Variants in ARHGEF6 observed in about 807,000 individuals in gnomAD.
ARHGEF6 encodes the protein rho guanine nucleotide exchange factor 6.
Under a neutral mutation model 70.3 loss-of-function variants are expected in ARHGEF6, and 9 were observed. The observed-to-expected ratio is 0.13, with a 90% CI of 0.08 to 0.22. The LOEUF (loss-of-function observed/expected upper bound fraction) is 0.22, where lower values mean the gene tolerates loss of function less well. Ranked by LOEUF, ARHGEF6 falls within the 10% of genes least tolerant of loss-of-function variation. The probability of loss-of-function intolerance (pLI) is 1.00; values close to 1 mark genes in which losing one functional copy is unlikely to be tolerated. For synonymous variants in ARHGEF6, 201 were observed against 207.8 expected, an observed-to-expected ratio of 0.97 and a Z score of 0.28; for missense variants, 470 against 563.0, an observed-to-expected ratio of 0.83 and a Z score of 1.67.
intron 2 of ARHGEF6, among the ~76,000 whole-genome samples, chrX:136,752,931 G>A (rs186626011): frequency 1.9e-3 from 218 of 111,932 alleles, no homozygotes; most frequent in African/African-American, 6.9e-3. Context: ...GAACTTTGGT[G>A]GAAATGTCAT....
At chrX:136,779,320 T>TGACA (rs758310877) in intron 2 of ARHGEF6, 94 bp downstream of exon 2, 2 of 817,834 alleles carry the variant, frequency 2.4e-6, no homozygotes, top group African/African-American at 4.0e-5. Context: ...CAGTGGCCAA[T>TGACA]GACAGTGAAA....
Position 136,665,570 on chromosome X carries a change from T to A in ARHGEF6, c.*2459A>T, listed in dbSNP as rs1442895816. The stretch of plus-strand genomic sequence containing the variant: ...ACTTATTTTTATAAAGCACTGTTTA[T>A]TTTTATGTATTGAAAATGTCCATTT... On this transcript the variant is annotated 3_prime_UTR_variant, in exon 22 of 22. Coordinates refer to ENST00000250617, the MANE Select transcript of ARHGEF6 (RefSeq NM_004840.3). 8.9e-6 allele frequency: 1 copy of A among 112,761 alleles called. No individual in the cohort carries two copies. The highest frequency in any genetic ancestry group is 1.9e-5 in the Non-Finnish European group (1 of 53,289). The allele number at this position is 112,761 out of a possible 1,213,427, so 9.3% of individuals were successfully genotyped here.
At chrX:136,759,028 T>A (rs1249301375) in intron 2 of ARHGEF6, among the ~76,000 whole-genome samples, 1 of 112,117 alleles carries the variant, frequency 8.9e-6, no homozygotes, top group African/African-American at 3.2e-5. Context: ...GGTGATTTTT[T>A]AATCTCAAAT....
At chrX:136,758,031 CTTTT>C (rs1164537601) in intron 2 of ARHGEF6, among the ~76,000 whole-genome samples, 5 of 14,033 alleles carry the variant, frequency 3.6e-4, no homozygotes, top group East Asian at 5.7e-3. Flanking sequence ...AAAATAAATT[CTTTT>C]TTTTTTTTTT....
intron 5 of ARHGEF6, among the ~76,000 whole-genome samples, chrX:136,742,085 C>T (rs2077048131): frequency 8.9e-6 from 1 of 111,787 alleles, no homozygotes; most frequent in Non-Finnish European, 1.9e-5. Flanking sequence ...CTTTGGGAGG[C>T]TGAGGCGGGC....
chrX:136,713,081 GAGAA>G (rs1165647687), intron 7 of ARHGEF6, among the ~76,000 whole-genome samples, 191 bp downstream of exon 7: 2 of 110,416 alleles, frequency 1.8e-5, no homozygotes, highest in African/African-American at 6.6e-5. Context: ...ACAGCCAGAA[GAGAA>G]AGAAAGCCAA....
Position 136,727,395 on chromosome X carries a change from T to TTC in ARHGEF6, c.732+4705_732+4706dup, listed in dbSNP as rs1188095168. Among the ~76,000 whole-genome samples, 281 of 53,576 alleles carry TTC rather than the reference T, an allele frequency of 5.2e-3. 9 individuals carry two copies. Among genetic ancestry groups the TTC allele is most frequent in the African/African-American group, 0.02 (258 of 12,702 alleles). The allele number at this position is 53,576 out of a possible 115,157, so 46.5% of individuals were successfully genotyped here. A position where few individuals can be genotyped will look rare whatever the true frequency, so the allele number is the denominator to read the frequency against. ...TTTCTTTCTTTCTTTCTTTCTTTCT[T>TTC]TCTCTCTCTCTCTCTCTCTTTCTTT... On this transcript the variant is annotated intron_variant, in intron 6 of 21. Coordinates refer to ENST00000250617, the MANE Select transcript of ARHGEF6 (RefSeq NM_004840.3).
intron 6 of ARHGEF6, among the ~76,000 whole-genome samples, chrX:136,727,491 TTC>T (rs1417602961): frequency 2.0e-5 from 2 of 99,874 alleles, no homozygotes; most frequent in African/African-American, 7.4e-5. Flanking sequence ...CCTTCTCTCC[TTC>T]TCTCTCTCTT....
At chrX:136,767,897 G>C (rs1403422390) in intron 2 of ARHGEF6, 22 of 613,631 alleles carry the variant, frequency 3.6e-5, no homozygotes, top group Non-Finnish European at 4.3e-5. Flanking sequence ...AGCAGCAAAA[G>C]CCGCGGTGTA....
chrX:136,762,395 C>T (rs1487714221), intron 2 of ARHGEF6, among the ~76,000 whole-genome samples: 3 of 112,185 alleles, frequency 2.7e-5, no homozygotes, highest in African/African-American at 9.7e-5. Context: ...ATTAAAATTC[C>T]AATTAGGAAC....
rs186968522 is a variant in ARHGEF6, at chrX:136,757,779, G to A, written c.250-10187C>T. ...TTCCACTCTTTCACACATACATGCTGCCTCTGTCCAATAGGCAGGAGCCCA... is the reference window on the plus strand; with the variant it reads ...TTCCACTCTTTCACACATACATGCTACCTCTGTCCAATAGGCAGGAGCCCA... On this transcript the variant is annotated intron_variant, in intron 2 of 21. Coordinates refer to ENST00000250617, the MANE Select transcript of ARHGEF6 (RefSeq NM_004840.3). 7.2e-5 allele frequency among the ~76,000 whole-genome samples: 8 copies of A among 111,664 alleles called. No individual in the cohort carries two copies. The East Asian group carries it at 2.3e-3, about 31-fold the overall frequency.
In ARHGEF6 at chrX:136,667,922, T is replaced by C; in HGVS notation, c.*107A>G. 1 of 1,024,148 alleles carries C rather than the reference T, an allele frequency of 9.8e-7. No homozygotes were observed. The highest frequency in any genetic ancestry group is 1.4e-6 in the Non-Finnish European group (1 of 734,043). 84.4% of individuals were successfully genotyped at this position (1,024,148 alleles called of 1,213,427 possible). ...GAGAGAGGGAGAGAGAGAGAGAGAC[T>C]CAAACACAAAACAAAAGCCAAAGAA... On this transcript the variant is annotated 3_prime_UTR_variant, in exon 22 of 22. Transcript: ENST00000250617.
chrX:136,706,479 T>G (rs899893346), intron 9 of ARHGEF6, among the ~76,000 whole-genome samples: 3 of 111,709 alleles, frequency 2.7e-5, no homozygotes, highest in African/African-American at 9.8e-5. Flanking sequence ...AGCTAAATGA[T>G]AGGCTCGAAA....
At chrX:136,742,222 G>A (rs2077050303) in intron 5 of ARHGEF6, among the ~76,000 whole-genome samples, 1 of 111,617 alleles carries the variant, frequency 9.0e-6, no homozygotes, top group African/African-American at 3.3e-5. Flanking sequence ...GGGAGGCTGA[G>A]GCAGGAGAAT....
chrX:136,730,252 T>C (rs780360843), intron 6 of ARHGEF6, among the ~76,000 whole-genome samples: 1 of 111,609 alleles, frequency 9.0e-6, no homozygotes, highest in African/African-American at 3.2e-5. Context: ...GCACTTTTCA[T>C]GTGAGTGAAA....
chrX:136,725,674 T>C (rs2076845576), intron 6 of ARHGEF6, among the ~76,000 whole-genome samples: 1 of 111,846 alleles, frequency 8.9e-6, no homozygotes, highest in African/African-American at 3.3e-5. Flanking sequence ...GCCAAGCAAC[T>C]TCAGAGCAGT....
intron 9 of ARHGEF6, among the ~76,000 whole-genome samples, chrX:136,706,158 G>A (rs1236464048): frequency 8.9e-6 from 1 of 111,933 alleles, no homozygotes; most frequent in East Asian, 2.8e-4. Context: ...GAATGTGTCA[G>A]GGGTGGGTAG....
chrX:136,689,830 CT>C (rs2076440921), intron 10 of ARHGEF6, among the ~76,000 whole-genome samples: 1 of 111,496 alleles, frequency 9.0e-6, no homozygotes, highest in African/African-American at 3.3e-5. Context: ...CCCACCCACA[CT>C]TAAATCCCCC....
intron 2 of ARHGEF6, chrX:136,773,898 A>AATAT (rs1227456600): frequency 8.9e-6 from 1 of 111,846 alleles, no homozygotes; most frequent in Non-Finnish European, 1.9e-5. Flanking sequence ...TATAATGCCC[A>AATAT]GGTCAGCATG....
Sources: allele counts gnomAD v4.1 joint callset (sites outside exome capture counted in the v4.1 genomes callset), GRCh38; gene constraint gnomAD v4.1.1; transcripts MANE v1.5; gene names NCBI Gene and HGNC (gene_info 2026-07-23, HGNC 2026-07-21).